The following PEX7 variants were observed in gnomAD, a reference collection of about 807,000 sequenced individuals.
PEX7 encodes the protein peroxisomal biogenesis factor 7, also known as PTS2 receptor.
A neutral mutation model predicts 47.5 loss-of-function variants in PEX7; 34 were observed. The observed-to-expected ratio is 0.72, with a 90% CI of 0.54 to 0.95. The LOEUF is 0.95. Ranked by LOEUF, PEX7 falls within the 40% of genes least tolerant of loss-of-function variation. The pLI, the probability that PEX7 is intolerant of heterozygous loss-of-function variation, is 0.00. For synonymous variants in PEX7, 141 were observed against 148.8 expected, an observed-to-expected ratio of 0.95 and a Z score of 0.38; for missense variants, 394 against 400.3, an observed-to-expected ratio of 0.98 and a Z score of 0.13.
chr6:136,843,936 A>G (rs1774548567), intron 3 of PEX7, among the ~76,000 whole-genome samples: 1 of 152,244 alleles, frequency 6.6e-6, no homozygotes, highest in South Asian at 2.1e-4. Context: ...GATAATCAAG[A>G]TAATTTGTTA....
chr6:136,895,601 T>G (rs1470814681), intron 8 of PEX7, among the ~76,000 whole-genome samples: 1 of 152,228 alleles, frequency 6.6e-6, no homozygotes, highest in Non-Finnish European at 1.5e-5. Flanking sequence ...TAATGAAGTT[T>G]TAAGGTTGGT....
chr6:136,900,772 G>C lies in PEX7; in HGVS notation c.903+2531G>C, dbSNP rs1229238133. On this transcript the variant is annotated intron_variant, in intron 9 of 9. Transcript: ENST00000318471. The surrounding 1 kb of genome is among the most constrained non-coding windows in gnomAD (Gnocchi z 4.2). ...GTTAACCCCAGCTTGAAGGACAGGT[G>C]GTCTCTTAGTGGGGACATCCCCTTT... The C allele has an allele frequency of 3.0e-6, 1 of 337,486 alleles. No individual in the cohort carries two copies. Among genetic ancestry groups the C allele is most frequent in the Non-Finnish European group, 5.7e-6 (1 of 176,476 alleles). 20.9% of individuals were successfully genotyped at this position (337,486 alleles called of 1,614,324 possible). A position where few individuals can be genotyped will look rare whatever the true frequency, so the allele number is the denominator to read the frequency against.
intron 8 of PEX7, among the ~76,000 whole-genome samples, chr6:136,893,161 A>T (rs1399428685): frequency 6.6e-6 from 1 of 152,110 alleles, no homozygotes; most frequent in African/African-American, 2.4e-5. Flanking sequence ...GACCACACAA[A>T]TTTAAGTTGC....
At chr6:136,892,704 A>G (rs1311464691) in intron 8 of PEX7, among the ~76,000 whole-genome samples, 2 of 152,240 alleles carry the variant, frequency 1.3e-5, no homozygotes, top group African/African-American at 2.4e-5. Context: ...CTTATTGCCT[A>G]TTAAAGGAGG....
intron 3 of PEX7, among the ~76,000 whole-genome samples, chr6:136,830,535 T>C (rs1489701842): frequency 6.6e-6 from 1 of 152,252 alleles, no homozygotes; most frequent in African/African-American, 2.4e-5. Flanking sequence ...TTCTGTCTAT[T>C]GTTTAACTGG....
intron 5 of PEX7, among the ~76,000 whole-genome samples, chr6:136,856,413 G>A (rs1774864086): frequency 6.6e-6 from 1 of 151,938 alleles, no homozygotes; most frequent in Non-Finnish European, 1.5e-5. Flanking sequence ...ATGGTTGAAT[G>A]TAGGGCTCTG....
At chr6:136,906,851 G>A (rs1775853450) in intron 9 of PEX7, among the ~76,000 whole-genome samples, 1 of 152,084 alleles carries the variant, frequency 6.6e-6, no homozygotes, top group Non-Finnish European at 1.5e-5. Context: ...CAGTTAAATT[G>A]TCGTTTTTAT....
chr6:136,845,840 A>G (rs1469338320), intron 4 of PEX7, 148 bp downstream of exon 4: 2 of 699,446 alleles, frequency 2.9e-6, no homozygotes, highest in Non-Finnish European at 5.0e-6. Flanking sequence ...CACTTATTAG[A>G]ACTTAAAATT....
chr6:136,886,273 G>A (rs1000102083), intron 8 of PEX7, among the ~76,000 whole-genome samples: 3 of 152,174 alleles, frequency 2.0e-5, no homozygotes, highest in Non-Finnish European at 2.9e-5. Flanking sequence ...ATTTAGAAAC[G>A]TTCTATAGAT....
intron 8 of PEX7, among the ~76,000 whole-genome samples, chr6:136,889,648 A>G (rs1279735482): frequency 6.6e-6 from 1 of 152,192 alleles, no homozygotes; most frequent in Non-Finnish European, 1.5e-5. Flanking sequence ...ATTTTGTTGC[A>G]TGTATTTGTA....
At chr6:136,898,333 C>T in intron 9 of PEX7, 92 bp downstream of exon 9, 1 of 825,530 alleles carries the variant, frequency 1.2e-6, no homozygotes, top group South Asian at 1.3e-5. Flanking sequence ...AAATTGTTGC[C>T]ATTTTAGCTA....
At chr6:136,856,901 G>A (rs1774871710) in intron 5 of PEX7, among the ~76,000 whole-genome samples, 1 of 151,812 alleles carries the variant, frequency 6.6e-6, no homozygotes. Flanking sequence ...CTTTCCTTGT[G>A]AAATGGATAC....
intron 8 of PEX7, among the ~76,000 whole-genome samples, chr6:136,882,136 C>T (rs1354282431): frequency 6.8e-6 from 1 of 147,746 alleles, no homozygotes; most frequent in African/African-American, 2.5e-5. Context: ...CTTGAAAATA[C>T]TATGATAATT....
chr6:136,883,026 G>C (rs1377771313), intron 8 of PEX7, among the ~76,000 whole-genome samples: 1 of 152,148 alleles, frequency 6.6e-6, no homozygotes, highest in South Asian at 2.1e-4. Context: ...AAGATTTGTG[G>C]CTTTTGCTTT....
At chr6:136,834,002 A>G (rs973338929) in intron 3 of PEX7, among the ~76,000 whole-genome samples, 2 of 152,206 alleles carry the variant, frequency 1.3e-5, no homozygotes, top group Admixed American at 6.5e-5. Context: ...TCCCACGTAA[A>G]TTAAAAAACA....
At chr6:136,896,515 C>A (rs549686900) in intron 8 of PEX7, among the ~76,000 whole-genome samples, 63 of 152,242 alleles carry the variant, frequency 4.1e-4, no homozygotes, top group African/African-American at 1.4e-3. Flanking sequence ...TCTGAGCTTT[C>A]CAGGAGCAGT....
chr6:136,844,614 T>C (rs528743620), intron 3 of PEX7, among the ~76,000 whole-genome samples: 1 of 152,352 alleles, frequency 6.6e-6, no homozygotes, highest in East Asian at 1.9e-4. Flanking sequence ...ATTCATCTTA[T>C]AACTAAAAGT....
At chr6:136,833,056 C>T (rs545103824) in intron 3 of PEX7, among the ~76,000 whole-genome samples, 132 of 152,262 alleles carry the variant, frequency 8.7e-4, no homozygotes, top group African/African-American at 2.4e-3. Context: ...CCTCACTATC[C>T]TGGTACCAAT....
intron 9 of PEX7, among the ~76,000 whole-genome samples, chr6:136,898,536 A>G (rs1016349399): frequency 6.6e-6 from 1 of 152,166 alleles, no homozygotes; most frequent in East Asian, 1.9e-4. Context: ...AAGATGGAAT[A>G]TGGCAGGATT....
Sources: gnomAD v4.1 joint callset for allele counts (sites outside exome capture counted in the v4.1 genomes callset) on GRCh38, gnomAD v4.1.1 for gene constraint, Gnocchi (gnomAD v3.1) non-coding constraint, MANE v1.5 for transcripts, NCBI Gene and HGNC (gene_info 2026-07-23, HGNC 2026-07-21) for gene names.